The following NSMAF variants were observed in gnomAD, a reference collection of about 807,000 sequenced individuals.
NSMAF encodes protein FAN.
A neutral mutation model predicts 134.9 loss-of-function variants in NSMAF; 90 were observed. The observed-to-expected ratio is 0.67, with a 90% CI of 0.56 to 0.79. The LOEUF (loss-of-function observed/expected upper bound fraction) is 0.79. Ranked by LOEUF, NSMAF falls within the 30% of genes least tolerant of loss-of-function variation. The pLI, the probability that NSMAF is intolerant of heterozygous loss-of-function variation, is 0.00. For synonymous variants in NSMAF, 358 were observed against 389.6 expected (o/e 0.92, Z 0.96); for missense variants, 1,010 against 1,119.0 (o/e 0.90, Z 1.39).
intron 9 of NSMAF, among the ~76,000 whole-genome samples, chr8:58,618,508 G>T (rs2129143634): frequency 6.6e-6 from 1 of 152,028 alleles, no homozygotes; most frequent in Non-Finnish European, 1.5e-5. Flanking sequence ...AAGTACTTAT[G>T]GGAGAAGTGT....
intron 23 of NSMAF, among the ~76,000 whole-genome samples, chr8:58,593,936 C>T (rs79745296): frequency 9.2e-5 from 14 of 152,244 alleles, no homozygotes; most frequent in African/African-American, 3.1e-4. Context: ...AAGTGGACAG[C>T]GCACCTCTCA....
At position 58,589,591 on chromosome 8, in the gene NSMAF, A is replaced by T. The variant is rs1178496789; in HGVS notation, c.2088-16T>A. 1.3e-6 allele frequency: 2 copies of T among 1,562,648 alleles called. No individual in the cohort carries two copies. Among genetic ancestry groups the T allele is most frequent in the Non-Finnish European group, 1.7e-6 (2 of 1,164,860 alleles). On this transcript the variant is annotated splice_polypyrimidine_tract_variant and intron_variant, in intron 25 of 30. Transcript: ENST00000038176. ...ATAAAAATAGCTAAAAGATAATGAGAAGCATTAAAACAGTAGTCTGGCTTA... is the reference window on the plus strand; with the variant it reads ...ATAAAAATAGCTAAAAGATAATGAGTAGCATTAAAACAGTAGTCTGGCTTA...
At chr8:58,636,631 C>T (rs1433720261) in intron 2 of NSMAF, among the ~76,000 whole-genome samples, 3 of 152,152 alleles carry the variant, frequency 2.0e-5, no homozygotes, top group Admixed American at 2.0e-4. Flanking sequence ...GCTTTGTGGG[C>T]CATATGGTCT....
chr8:58,647,108 A>G (rs779795603), intron 1 of NSMAF, among the ~76,000 whole-genome samples: 18 of 152,232 alleles, frequency 1.2e-4, no homozygotes, highest in Admixed American at 5.9e-4. Context: ...TGCTTTCTCT[A>G]ACAGGCTTCA....
chr8:58,597,930 A>T (rs374587443), intron 19 of NSMAF, 28 bp from the exon 20 acceptor site: 2 of 1,540,906 alleles, frequency 1.3e-6, no homozygotes, highest in African/African-American at 2.7e-5. Flanking sequence ...AACACTATTG[A>T]AAGATGTGCT....
intron 16 of NSMAF, among the ~76,000 whole-genome samples, chr8:58,600,576 CT>C (rs1455016419): frequency 1.5e-5 from 2 of 135,318 alleles, no homozygotes; most frequent in Non-Finnish European, 3.1e-5. Flanking sequence ...AGCTGAGATT[CT>C]GCTCACTGTA....
In NSMAF at chr8:58,587,601, T is replaced by C; in HGVS notation, c.2295+17A>G. ...TTTTAAGGTCAGTTTTCTGTACAGT[T>C]TGTTGCTGGTACTCACACTGACATC... is the stretch of plus-strand genomic sequence containing the variant. On this transcript the variant is annotated intron_variant, in intron 27 of 30. Transcript: ENST00000038176. 1 of 1,611,510 alleles carries C rather than the reference T, an allele frequency of 6.2e-7. No individual in the cohort carries two copies. The highest frequency in any genetic ancestry group is 8.5e-7 in the Non-Finnish European group (1 of 1,177,694).
At chr8:58,592,103 A>T (rs1337613213) in intron 23 of NSMAF, among the ~76,000 whole-genome samples, 1 of 152,200 alleles carries the variant, frequency 6.6e-6, no homozygotes, top group Non-Finnish European at 1.5e-5. Context: ...ATTAGATCTG[A>T]TAGTCTTCCC....
At chr8:58,637,521 G>T (rs1330651456) in intron 2 of NSMAF, 1 of 339,560 alleles carries the variant, frequency 2.9e-6, no homozygotes, top group Non-Finnish European at 6.0e-6. Context: ...GTAAAAGAAA[G>T]AACAGGCATC....
chr8:58,648,984 C>T (rs1181749588), intron 1 of NSMAF, among the ~76,000 whole-genome samples: 1 of 152,230 alleles, frequency 6.6e-6, no homozygotes, highest in African/African-American at 2.4e-5. Flanking sequence ...GCCACCTGCC[C>T]TCTAGACTCA....
chr8:58,600,888 C>T (rs770352102), intron 16 of NSMAF, among the ~76,000 whole-genome samples: 13 of 151,964 alleles, frequency 8.6e-5, no homozygotes, highest in Non-Finnish European at 1.6e-4. Context: ...GTATTCAATT[C>T]ACAGCAAAAT....
At chr8:58,621,733 A>G (rs989191294) in intron 9 of NSMAF, among the ~76,000 whole-genome samples, 5 of 152,324 alleles carry the variant, frequency 3.3e-5, no homozygotes, top group Admixed American at 2.6e-4. Flanking sequence ...TCTAATGATT[A>G]GTGGCATTGA....
chr8:58,597,969 C>G (rs1428852836), intron 19 of NSMAF, 67 bp from the exon 20 acceptor site: 1 of 1,136,152 alleles, frequency 8.8e-7, no homozygotes, highest in East Asian at 2.4e-5. Flanking sequence ...CTGTTTAGAA[C>G]CTAAACAATG....
intron 26 of NSMAF, among the ~76,000 whole-genome samples, chr8:58,589,189 T>C (rs892967728): frequency 2.7e-5 from 4 of 147,746 alleles, no homozygotes; most frequent in Admixed American, 6.8e-5. Context: ...ATATATGTAA[T>C]ATATAACAGA....
At chr8:58,626,673 T>C (rs73250349) in intron 6 of NSMAF, among the ~76,000 whole-genome samples, 1 of 152,216 alleles carries the variant, frequency 6.6e-6, no homozygotes, top group Non-Finnish European at 1.5e-5. Context: ...TAACTATGTG[T>C]GTGCATGTGT....
chr8:58,624,220 T>G (rs1364540249), intron 6 of NSMAF, among the ~76,000 whole-genome samples: 1 of 151,944 alleles, frequency 6.6e-6, no homozygotes, highest in African/African-American at 2.4e-5. Flanking sequence ...TTTTGTATTT[T>G]TAGTAGAGAC....
intron 1 of NSMAF, 199 bp downstream of exon 1, chr8:58,659,374 C>A: frequency 6.6e-7 from 1 of 1,522,632 alleles, no homozygotes. Flanking sequence ...CAGGCTCCGG[C>A]CCAGACCAGG....
intron 28 of NSMAF, 95 bp downstream of exon 28, chr8:58,586,363 G>GT (rs1409108077): frequency 8.0e-7 from 1 of 1,256,280 alleles, no homozygotes. Context: ...GTTTTTCTTT[G>GT]TAAGTTTTAT....
intron 11 of NSMAF, among the ~76,000 whole-genome samples, chr8:58,607,261 T>C (rs182865272): frequency 6.6e-6 from 1 of 152,372 alleles, no homozygotes; most frequent in East Asian, 1.9e-4. Flanking sequence ...AGAAATACAC[T>C]TATTCAGGGA....
Sources: gnomAD v4.1 joint callset for allele counts (sites outside exome capture counted in the v4.1 genomes callset) on GRCh38, gnomAD v4.1.1 for gene constraint, MANE v1.5 for transcripts, NCBI Gene and HGNC (gene_info 2026-07-23, HGNC 2026-07-21) for gene names.